The following CADM2 variants were observed in gnomAD, a reference collection of about 807,000 sequenced individuals.
CADM2 encodes cell adhesion molecule 2, also known as immunoglobulin superfamily member 4D.
Under a neutral mutation model 49.8 loss-of-function variants are expected in CADM2, and 12 were observed. The ratio of observed to expected loss-of-function variants is 0.24; its 90% CI spans 0.15 to 0.39. The LOEUF (loss-of-function observed/expected upper bound fraction) is 0.39, where lower values mean the gene tolerates loss of function less well. Ranked by LOEUF, CADM2 falls within the 10% of genes least tolerant of loss-of-function variation. CADM2 has a pLI of 1.00. For synonymous variants in CADM2, 214 were observed against 175.4 expected (o/e 1.22, Z -1.74); for missense variants, 378 against 492.3 (o/e 0.77, Z 2.20).
At chr3:85,255,143 G>A (rs1373251131) in intron 1 of CADM2, among the ~76,000 whole-genome samples, 3 of 152,012 alleles carry the variant, frequency 2.0e-5, no homozygotes. Flanking sequence ...GCACTAACAT[G>A]TAACCAATTG....
chr3:85,447,448 A>C (rs958549931), intron 1 of CADM2, among the ~76,000 whole-genome samples: 2 of 152,100 alleles, frequency 1.3e-5, no homozygotes, highest in Non-Finnish European at 1.5e-5. Context: ...TTTAAACGTA[A>C]GGTTGCATTG....
At chr3:85,311,650 ACAGGCGTGAGCCAC>A (rs1370858028) in intron 1 of CADM2, among the ~76,000 whole-genome samples, 3 of 152,224 alleles carry the variant, frequency 2.0e-5, no homozygotes, top group African/African-American at 7.2e-5. Flanking sequence ...TGCTGGGATT[ACAGGCGTGAGCCAC>A]CACGCCCGGC....
chr3:85,681,797 T>C (rs1388904268), intron 1 of CADM2, among the ~76,000 whole-genome samples: 2 of 152,158 alleles, frequency 1.3e-5, no homozygotes, highest in Non-Finnish European at 2.9e-5. Context: ...AAATTTGAAA[T>C]GAAGTTTTGT....
intron 1 of CADM2, among the ~76,000 whole-genome samples, chr3:85,390,961 C>A (rs2034488520): frequency 2.0e-5 from 3 of 152,050 alleles, no homozygotes; most frequent in Non-Finnish European, 2.9e-5. Context: ...AAGAAAGATA[C>A]TCCAGAGAGC....
At chr3:85,953,979 T>C (rs975250746) in intron 7 of CADM2, among the ~76,000 whole-genome samples, 1 of 150,896 alleles carries the variant, frequency 6.6e-6, no homozygotes, top group Non-Finnish European at 1.5e-5. Flanking sequence ...CATGCATACA[T>C]GTATAAAGAC....
intron 2 of CADM2, among the ~76,000 whole-genome samples, chr3:85,735,422 G>C (rs1176645756): frequency 6.6e-6 from 1 of 152,160 alleles, no homozygotes; most frequent in Non-Finnish European, 1.5e-5. Context: ...GCCTGGGACA[G>C]TATGTTAGAG....
intron 8 of CADM2, among the ~76,000 whole-genome samples, chr3:86,034,180 C>T (rs1210415068): frequency 6.6e-6 from 1 of 151,924 alleles, no homozygotes; most frequent in Non-Finnish European, 1.5e-5. Context: ...TTCTTCTTCT[C>T]ATTTTACTAC....
intron 1 of CADM2, among the ~76,000 whole-genome samples, chr3:85,160,451 C>A (rs1174387133): frequency 6.6e-6 from 1 of 152,154 alleles, no homozygotes; most frequent in Non-Finnish European, 1.5e-5. Flanking sequence ...GGAACGCATG[C>A]ACACACTCAG....
intron 1 of CADM2, among the ~76,000 whole-genome samples, chr3:85,647,752 A>T (rs560061729): frequency 7.9e-5 from 12 of 151,808 alleles, no homozygotes; most frequent in Admixed American, 2.6e-4. Context: ...TATTTTTGTG[A>T]CCCCTACCCC....
intron 8 of CADM2, among the ~76,000 whole-genome samples, chr3:85,972,571 G>A (rs1577828480): frequency 6.6e-6 from 1 of 151,844 alleles, no homozygotes; most frequent in East Asian, 2.0e-4. Flanking sequence ...CAAGCAGCTT[G>A]GGCTTCTGGG....
intron 1 of CADM2, among the ~76,000 whole-genome samples, chr3:85,078,643 A>G (rs1250592277): frequency 1.3e-5 from 2 of 151,820 alleles, no homozygotes; most frequent in African/African-American, 4.8e-5. Flanking sequence ...ACAAGATCAT[A>G]GTGAATAGAT....
intron 1 of CADM2, among the ~76,000 whole-genome samples, chr3:85,696,585 TGTTAGATACATGTA>T (rs1418228290): frequency 2.0e-5 from 3 of 152,086 alleles, no homozygotes; most frequent in African/African-American, 7.2e-5. Context: ...TATAAATATT[TGTTAGATACATGTA>T]GTTTTCCCCT....
At chr3:85,883,828 A>G (rs900152129) in intron 4 of CADM2, among the ~76,000 whole-genome samples, 1 of 152,152 alleles carries the variant, frequency 6.6e-6, no homozygotes, top group Admixed American at 6.6e-5. Flanking sequence ...GTTCTATACT[A>G]TGCTCCTTTA....
At chr3:85,880,275 T>C (rs1264283606) in intron 3 of CADM2, among the ~76,000 whole-genome samples, 1 of 152,188 alleles carries the variant, frequency 6.6e-6, no homozygotes, top group African/African-American at 2.4e-5. Flanking sequence ...TTTTTTCTTG[T>C]CTTAAGTATT....
chr3:85,769,481 GTATATACA>G (rs1440978091), intron 2 of CADM2, among the ~76,000 whole-genome samples: 568 of 52,892 alleles, frequency 0.011, 23 homozygotes, highest in African/African-American at 0.031. Context: ...ATATATACAC[GTATATACA>G]TATATACATA....
intron 1 of CADM2, among the ~76,000 whole-genome samples, chr3:85,350,771 A>G (rs2031261876): frequency 6.6e-6 from 1 of 152,152 alleles, no homozygotes; most frequent in Admixed American, 6.6e-5. Context: ...ACGAAAAAAA[A>G]AGTAGAGATG....
chr3:85,431,044 C>G (rs565174323), intron 1 of CADM2, among the ~76,000 whole-genome samples: 1 of 152,194 alleles, frequency 6.6e-6, no homozygotes, highest in Admixed American at 6.5e-5. Flanking sequence ...CAACAGTGGT[C>G]TCATAAGATT....
At chr3:85,648,031 A>G (rs539460091) in intron 1 of CADM2, among the ~76,000 whole-genome samples, 5 of 152,016 alleles carry the variant, frequency 3.3e-5, no homozygotes, top group African/African-American at 1.2e-4. Context: ...GAAATGAGTT[A>G]CATCTTGCCC....
chr3:85,024,185 T>C (rs539898331), intron 1 of CADM2, among the ~76,000 whole-genome samples: 1 of 152,214 alleles, frequency 6.6e-6, no homozygotes, highest in South Asian at 2.1e-4. Context: ...TCGCAAGTTA[T>C]CAGCCATCAA....
Sources: gnomAD v4.1 joint callset for allele counts (sites outside exome capture counted in the v4.1 genomes callset) on GRCh38, gnomAD v4.1.1 for gene constraint, MANE v1.5 for transcripts, NCBI Gene and HGNC (gene_info 2026-07-23, HGNC 2026-07-21) for gene names.